Variants in GRM8 observed in about 807,000 individuals in gnomAD.
GRM8 encodes the protein glutamate metabotropic receptor 8, also known as metabotropic glutamate receptor 8.
Under a neutral mutation model 87.2 loss-of-function variants are expected in GRM8, and 47 were observed. That is an observed-to-expected ratio of 0.54 (90% CI 0.43 to 0.69). The LOEUF (loss-of-function observed/expected upper bound fraction) is 0.69. Among genes scored for constraint, GRM8 ranks in the 30% least tolerant of loss-of-function variants. The pLI, the probability that GRM8 is intolerant of heterozygous loss-of-function variation, is 0.00. For missense variants in GRM8, 1,019 were observed against 1,139.2 expected (o/e 0.89, Z 1.52); for synonymous variants, 396 against 404.5 (o/e 0.98, Z 0.25).
At chr7:127,207,734 C>T (rs1795993206) in intron 2 of GRM8, among the ~76,000 whole-genome samples, 1 of 152,096 alleles carries the variant, frequency 6.6e-6, no homozygotes, top group African/African-American at 2.4e-5. Flanking sequence ...CTCATTACAT[C>T]CCCTCCTTTT....
intron 8 of GRM8, among the ~76,000 whole-genome samples, chr7:126,589,799 A>G (rs1796506831): frequency 6.6e-6 from 1 of 152,158 alleles, no homozygotes; most frequent in Non-Finnish European, 1.5e-5. Flanking sequence ...GGTTCACATC[A>G]CAGAACTCTG....
chr7:126,758,870 A>C (rs986674346), intron 7 of GRM8, among the ~76,000 whole-genome samples: 7 of 151,858 alleles, frequency 4.6e-5, no homozygotes, highest in Admixed American at 4.6e-4. Context: ...TTTTTTCATT[A>C]ATGTCCCTCA....
intron 2 of GRM8, among the ~76,000 whole-genome samples, chr7:127,148,613 C>G (rs936540573): frequency 1.3e-5 from 2 of 151,906 alleles, no homozygotes; most frequent in Admixed American, 1.3e-4. Context: ...GAATACTGTA[C>G]TCATATACAG....
intron 7 of GRM8, among the ~76,000 whole-genome samples, chr7:126,702,266 A>G (rs914786109): frequency 6.6e-6 from 1 of 152,228 alleles, no homozygotes; most frequent in Non-Finnish European, 1.5e-5. Context: ...GGGAATAAAG[A>G]GGATGATATA....
chr7:126,980,578 A>C (rs547582987), intron 3 of GRM8, among the ~76,000 whole-genome samples: 1 of 152,280 alleles, frequency 6.6e-6, no homozygotes, highest in East Asian at 1.9e-4. Context: ...AGGTTCTCCA[A>C]ACTTTAACTT....
At chr7:126,700,910 T>C (rs1426250269) in intron 7 of GRM8, among the ~76,000 whole-genome samples, 1 of 152,098 alleles carries the variant, frequency 6.6e-6, no homozygotes, top group Non-Finnish European at 1.5e-5. Context: ...TGCATCCTGA[T>C]AAAGAACAGT....
At chr7:126,837,574 T>G (rs1254547729) in intron 6 of GRM8, among the ~76,000 whole-genome samples, 1 of 152,234 alleles carries the variant, frequency 6.6e-6, no homozygotes, top group Non-Finnish European at 1.5e-5. Context: ...TCTCACTTCA[T>G]TCCCTCTTCC....
chr7:126,549,983 C>G (rs1792392849), intron 8 of GRM8, among the ~76,000 whole-genome samples: 1 of 152,022 alleles, frequency 6.6e-6, no homozygotes, highest in East Asian at 1.9e-4. Context: ...ATCCAAGCAC[C>G]CAGGTCTCAA....
intron 7 of GRM8, among the ~76,000 whole-genome samples, chr7:126,754,080 A>C (rs1477329521): frequency 2.6e-5 from 4 of 151,896 alleles, no homozygotes; most frequent in Non-Finnish European, 5.9e-5. Context: ...ACCAAACATT[A>C]GAAATGGATA....
intron 6 of GRM8, among the ~76,000 whole-genome samples, chr7:126,827,992 C>G (rs1163748519): frequency 6.6e-6 from 1 of 152,088 alleles, no homozygotes. Context: ...GTTTTTGGTT[C>G]TGTTTATATG....
At chr7:126,763,925 C>T (rs912205550) in intron 7 of GRM8, among the ~76,000 whole-genome samples, 1 of 151,798 alleles carries the variant, frequency 6.6e-6, no homozygotes, top group Non-Finnish European at 1.5e-5. Context: ...TGTTGTATGT[C>T]TCTCAGTAAA....
chr7:126,538,720 G>A (rs1483904434), intron 8 of GRM8, among the ~76,000 whole-genome samples: 1 of 151,954 alleles, frequency 6.6e-6, no homozygotes, highest in Non-Finnish European at 1.5e-5. Flanking sequence ...GACTGCATGT[G>A]CAATTACTTC....
intron 3 of GRM8, among the ~76,000 whole-genome samples, chr7:126,944,231 G>A (rs1005111606): frequency 1.3e-5 from 2 of 152,194 alleles, no homozygotes; most frequent in African/African-American, 4.8e-5. Context: ...ATCTTATAAT[G>A]TGATCTGAAA....
At chr7:126,686,848 G>A (rs1275687696) in intron 7 of GRM8, among the ~76,000 whole-genome samples, 1 of 152,222 alleles carries the variant, frequency 6.6e-6, no homozygotes, top group Admixed American at 6.5e-5. Context: ...AGCCAGAAAA[G>A]CGACACCCCA....
intron 7 of GRM8, among the ~76,000 whole-genome samples, chr7:126,614,928 G>T (rs1250168215): frequency 6.6e-6 from 1 of 152,154 alleles, no homozygotes; most frequent in African/African-American, 2.4e-5. Context: ...AGGGAGAATG[G>T]AACCAAGTTG....
intron 3 of GRM8, among the ~76,000 whole-genome samples, chr7:127,071,158 C>T (rs780836059): frequency 2.0e-5 from 3 of 152,140 alleles, no homozygotes; most frequent in Non-Finnish European, 4.4e-5. Flanking sequence ...TTAGACTTGA[C>T]GTATGTAGTT....
At chr7:126,958,147 A>T (rs1285186964) in intron 3 of GRM8, among the ~76,000 whole-genome samples, 1 of 152,024 alleles carries the variant, frequency 6.6e-6, no homozygotes, top group Non-Finnish European at 1.5e-5. Flanking sequence ...TTGCTCAATG[A>T]AGCTCCTCTC....
chr7:126,546,988 G>A (rs1277767968), intron 8 of GRM8, among the ~76,000 whole-genome samples: 2 of 152,126 alleles, frequency 1.3e-5, no homozygotes, highest in African/African-American at 4.8e-5. Context: ...CCTGAGTTTT[G>A]AGTTTTCCAG....
intron 6 of GRM8, among the ~76,000 whole-genome samples, chr7:126,800,618 T>C (rs1333598372): frequency 1.3e-5 from 2 of 152,146 alleles, no homozygotes; most frequent in Non-Finnish European, 2.9e-5. Context: ...TTTCAAAGAA[T>C]ATCCAGCCCT....
Sources: gnomAD v4.1 joint callset for allele counts (sites outside exome capture counted in the v4.1 genomes callset) on GRCh38, gnomAD v4.1.1 for gene constraint, MANE v1.5 for transcripts, NCBI Gene and HGNC (gene_info 2026-07-23, HGNC 2026-07-21) for gene names.